STAM: variants seen among roughly 807,000 people sequenced by gnomAD.
STAM encodes signal transducing adapter molecule 1.
Under a neutral mutation model 63.4 loss-of-function variants are expected in STAM, and 16 were observed. The ratio of observed to expected loss-of-function variants is 0.25; its 90% CI spans 0.17 to 0.38. The LOEUF (loss-of-function observed/expected upper bound fraction) is 0.38, where lower values mean the gene tolerates loss of function less well. Ranked by LOEUF, STAM falls within the 10% of genes least tolerant of loss-of-function variation. The probability of loss-of-function intolerance (pLI) is 1.00; values close to 1 mark genes in which losing one functional copy is unlikely to be tolerated. For synonymous variants in STAM, 238 were observed against 223.9 expected, an observed-to-expected ratio of 1.06 and a Z score of -0.56; for missense variants, 636 against 657.1, an observed-to-expected ratio of 0.97 and a Z score of 0.35.
At chr10:17,675,277 G>T (rs1554824525) in intron 2 of STAM, among the ~76,000 whole-genome samples, 1 of 152,192 alleles carries the variant, frequency 6.6e-6, no homozygotes, top group Admixed American at 6.5e-5. Context: ...GCCAAGGTGG[G>T]TGGATCACCT....
At chr10:17,652,171 G>A (rs545121139) in intron 1 of STAM, among the ~76,000 whole-genome samples, 8 of 152,088 alleles carry the variant, frequency 5.3e-5, no homozygotes, top group African/African-American at 1.9e-4. Flanking sequence ...CCCTGTTTTT[G>A]TCTTAGAAAA....
At chr10:17,681,089 C>T (rs1835067302) in intron 2 of STAM, among the ~76,000 whole-genome samples, 1 of 152,112 alleles carries the variant, frequency 6.6e-6, no homozygotes, top group Admixed American at 6.5e-5. Flanking sequence ...TTCCCACCAA[C>T]AGTGCACAAG....
chr10:17,705,792 G>A, intron 12 of STAM, 51 bp downstream of exon 12: 7 of 1,563,784 alleles, frequency 4.5e-6, no homozygotes, highest in Non-Finnish European at 6.1e-6. Context: ...GCACAGTGAG[G>A]TGTGGTAGCT....
rs570483596 is a variant in STAM at position 17,660,723 on chromosome 10, A to G, written c.125+175A>G. 6.6e-5 allele frequency among the ~76,000 whole-genome samples: 10 copies of G among 152,322 alleles called. No homozygotes were observed. In the South Asian group the frequency reaches 1.2e-3, roughly 19 times the overall value. ...TGATGATTACACCCATGAACAGCCA[A>G]TGTACACGAGTCAGGGCAACATAGT... On this transcript the variant is annotated intron_variant, in intron 2 of 13. Coordinates refer to ENST00000377524, the MANE Select transcript of STAM (RefSeq NM_003473.4).
At chr10:17,661,286 CTT>C (rs781998608) in intron 2 of STAM, among the ~76,000 whole-genome samples, 1 of 152,182 alleles carries the variant, frequency 6.6e-6, no homozygotes, top group Non-Finnish European at 1.5e-5. Flanking sequence ...TATTTGTGCA[CTT>C]TCATGTGAAA....
At chr10:17,675,065 A>C (rs537164550) in intron 2 of STAM, among the ~76,000 whole-genome samples, 1 of 152,360 alleles carries the variant, frequency 6.6e-6, no homozygotes, top group East Asian at 1.9e-4. Flanking sequence ...ATTTATAAAT[A>C]TGAACAGCTG....
At chr10:17,688,730 T>C (rs576862734) in intron 5 of STAM, among the ~76,000 whole-genome samples, 223 of 152,228 alleles carry the variant, frequency 1.5e-3, no homozygotes, top group African/African-American at 5.0e-3. Flanking sequence ...CCCAAAGTGC[T>C]AGGATTACAG....
intron 2 of STAM, among the ~76,000 whole-genome samples, chr10:17,672,350 G>T (rs1453728702): frequency 6.6e-6 from 1 of 152,202 alleles, no homozygotes; most frequent in African/African-American, 2.4e-5. Flanking sequence ...TTGCAAGAAT[G>T]CAAAATTGCT....
At chr10:17,710,848 C>T (rs1836522803) in intron 13 of STAM, among the ~76,000 whole-genome samples, 1 of 152,096 alleles carries the variant, frequency 6.6e-6, no homozygotes, top group African/African-American at 2.4e-5. Flanking sequence ...TTTAAAAATT[C>T]CTTGCAAAGG....
chr10:17,656,863 A>T (rs1180456839), intron 1 of STAM, among the ~76,000 whole-genome samples: 3 of 152,196 alleles, frequency 2.0e-5, no homozygotes, highest in African/African-American at 7.2e-5. Context: ...GTGCCCTTGG[A>T]AGAAATCCAA....
At chr10:17,665,661 A>G (rs532222796) in intron 2 of STAM, among the ~76,000 whole-genome samples, 1 of 152,096 alleles carries the variant, frequency 6.6e-6, no homozygotes, top group South Asian at 2.1e-4. Context: ...GGCATGTAGA[A>G]TATCTAACAC....
chr10:17,714,190 T>A (rs1414280873), intron 13 of STAM, among the ~76,000 whole-genome samples: 1 of 152,194 alleles, frequency 6.6e-6, no homozygotes, highest in Non-Finnish European at 1.5e-5. Flanking sequence ...TTGTCCTCCG[T>A]ATTGGGCTTT....
At chr10:17,656,449 C>G (rs1418403063) in intron 1 of STAM, among the ~76,000 whole-genome samples, 1 of 152,056 alleles carries the variant, frequency 6.6e-6, no homozygotes, top group Non-Finnish European at 1.5e-5. Context: ...GGGCCATTGA[C>G]TATGGAATTC....
chr10:17,712,917 T>C lies in STAM; in HGVS notation c.1386-1626T>C, dbSNP rs1444222595. 2.6e-5 allele frequency among the ~76,000 whole-genome samples: 4 copies of C among 151,216 alleles called. No homozygotes were observed. The East Asian group carries it at 7.8e-4, about 29-fold the overall frequency. ...ACGTGAGGGGTGCAGCTGCAGAGAG[T>C]TGATCAGTGTGGTGTTGGAGCGTGT... On this transcript the variant is annotated intron_variant, in intron 13 of 13. Transcript: ENST00000377524.
intron 1 of STAM, among the ~76,000 whole-genome samples, chr10:17,656,766 G>T (rs1203505707): frequency 6.6e-6 from 1 of 152,264 alleles, no homozygotes; most frequent in East Asian, 1.9e-4. Flanking sequence ...TTCATCTAAG[G>T]GGCGTAAGGC....
chr10:17,692,273 A>G (rs549363924), intron 5 of STAM, among the ~76,000 whole-genome samples: 2 of 152,340 alleles, frequency 1.3e-5, no homozygotes, highest in South Asian at 2.1e-4. Flanking sequence ...AGGTGTTATC[A>G]TAATAACAAA....
chr10:17,653,936 C>G (rs1833839977), intron 1 of STAM, among the ~76,000 whole-genome samples: 1 of 152,102 alleles, frequency 6.6e-6, no homozygotes, highest in South Asian at 2.1e-4. Context: ...ATAGTACTTT[C>G]TATGTGAGTT....
At chr10:17,658,477 G>A (rs1196285949) in intron 1 of STAM, among the ~76,000 whole-genome samples, 3 of 152,078 alleles carry the variant, frequency 2.0e-5, no homozygotes, top group Non-Finnish European at 4.4e-5. Context: ...GTGTTGTTGA[G>A]TTCAACTATG....
chr10:17,704,406 T>C (rs1836157860), intron 9 of STAM, 25 bp from the exon 10 acceptor site: 3 of 1,596,594 alleles, frequency 1.9e-6, no homozygotes, highest in Non-Finnish European at 1.7e-6. Context: ...GGTAGCTTTT[T>C]ATATTAACTA....
Sources: allele counts gnomAD v4.1 joint callset (sites outside exome capture counted in the v4.1 genomes callset), GRCh38; gene constraint gnomAD v4.1.1; transcripts MANE v1.5; gene names NCBI Gene and HGNC (gene_info 2026-07-23, HGNC 2026-07-21).